Variants in UTY observed in about 807,000 individuals in gnomAD.
The protein encoded by UTY is histone demethylase UTY.
Under a neutral mutation model 32.5 loss-of-function variants are expected in UTY, and 12 were observed. The observed-to-expected ratio is 0.37, with a 90% confidence interval of 0.24 to 0.60. The LOEUF (loss-of-function observed/expected upper bound fraction) is 0.60, where lower values mean the gene tolerates loss of function less well. Ranked by LOEUF, UTY falls within the 20% of genes least tolerant of loss-of-function variation. UTY has a pLI of 0.69. For missense variants in UTY, 303 were observed against 299.2 expected (o/e 1.01, Z -0.09); for synonymous variants, 131 against 103.4 (o/e 1.27, Z -1.62).
intron 28 of UTY, among the ~76,000 whole-genome samples, chrY:13,258,844 G>T (rs2055021115): frequency 2.9e-5 from 1 of 34,069 alleles, no homozygotes; most frequent in Admixed American, 2.6e-4. Context: ...CAAATCAAAG[G>T]AGGGGGACAT....
chrY:13,473,263 C>A, intron 2 of UTY, among the ~76,000 whole-genome samples: 1 of 30,785 alleles, frequency 3.2e-5, no homozygotes, highest in Admixed American at 3.0e-4. Context: ...AATATCACGC[C>A]ACTGCACTCC....
intron 8 of UTY, among the ~76,000 whole-genome samples, chrY:13,390,156 GT>G (rs781298772): frequency 0.11 from 3,369 of 30,776 alleles, no homozygotes; most frequent in Non-Finnish European, 0.18. Context: ...TGTTAATTAG[GT>G]TTTTTTTTCA....
chrY:13,241,851 C>A (rs2053906584), intron 28 of UTY, among the ~76,000 whole-genome samples: 1 of 32,723 alleles, frequency 3.1e-5, no homozygotes, highest in Non-Finnish European at 7.5e-5. Context: ...GAGGCTGAGG[C>A]AGGTGGATCA....
At chrY:13,419,194 A>G (rs2072193156) in intron 4 of UTY, among the ~76,000 whole-genome samples, 1 of 33,562 alleles carries the variant, frequency 3.0e-5, no homozygotes, top group Admixed American at 2.7e-4. Flanking sequence ...TTTGGCCCAT[A>G]GTTCCCTCAC....
intron 25 of UTY, among the ~76,000 whole-genome samples, chrY:13,302,412 G>A: frequency 3.0e-5 from 1 of 33,613 alleles, no homozygotes; most frequent in East Asian, 7.7e-4. Context: ...TATTACCACG[G>A]CAGAGACTAG....
At chrY:13,406,662 C>A in intron 6 of UTY, among the ~76,000 whole-genome samples, 2 of 30,207 alleles carry the variant, frequency 6.6e-5, no homozygotes, top group African/African-American at 1.3e-4. Flanking sequence ...AATTTCTATA[C>A]AATCTTTTTT....
chrY:13,381,262 C>T (rs2066110128), intron 8 of UTY, among the ~76,000 whole-genome samples: 1 of 34,306 alleles, frequency 2.9e-5, no homozygotes, highest in Non-Finnish European at 7.3e-5. Context: ...ACAGCCTGGG[C>T]GTGGTGGCTT....
intron 4 of UTY, among the ~76,000 whole-genome samples, chrY:13,422,165 A>G: frequency 3.0e-5 from 1 of 33,640 alleles, no homozygotes; most frequent in Non-Finnish European, 7.4e-5. Flanking sequence ...CAAAATGTCA[A>G]CCATTTAAAT....
chrY:13,353,975 G>A, intron 17 of UTY, among the ~76,000 whole-genome samples: 1 of 34,261 alleles, frequency 2.9e-5, no homozygotes, highest in Non-Finnish European at 7.3e-5. Context: ...ACAAACAAAC[G>A]ATTTGGAATA....
At chrY:13,264,785 T>C (rs2055615120) in intron 27 of UTY, among the ~76,000 whole-genome samples, 2 of 33,741 alleles carry the variant, frequency 5.9e-5, no homozygotes, top group Non-Finnish European at 1.5e-4. Flanking sequence ...TTGTTGACAT[T>C]GCTTTTGGTG....
chrY:13,263,013 C>T, intron 27 of UTY, among the ~76,000 whole-genome samples: 1 of 32,840 alleles, frequency 3.0e-5, no homozygotes, highest in Non-Finnish European at 7.4e-5. Flanking sequence ...CATATAAAAA[C>T]GAGGCAAAAC....
At chrY:13,425,147 G>C in intron 4 of UTY, among the ~76,000 whole-genome samples, 1 of 33,909 alleles carries the variant, frequency 2.9e-5, no homozygotes, top group African/African-American at 1.2e-4. Flanking sequence ...AATATCATTA[G>C]TCACAAATAA....
intron 20 of UTY, 113 bp downstream of exon 20, chrY:13,324,488 A>G: frequency 5.0e-6 from 1 of 198,440 alleles, no homozygotes; most frequent in Non-Finnish European, 8.4e-6. Context: ...GAAAGATAAC[A>G]CACATTAAAA....
intron 4 of UTY, among the ~76,000 whole-genome samples, chrY:13,422,137 A>G (rs751787721): frequency 3.0e-5 from 1 of 33,776 alleles, no homozygotes; most frequent in East Asian, 7.6e-4. Flanking sequence ...GAAAATTATT[A>G]TAACAACATA....
chrY:13,360,134 C>G, intron 11 of UTY, 148 bp from the exon 12 acceptor site: 2 of 171,695 alleles, frequency 1.2e-5, no homozygotes, highest in Admixed American at 1.1e-4. Flanking sequence ...CTCCCCAGCT[C>G]AAGCAACCCT....
At chrY:13,375,675 C>A in intron 8 of UTY, among the ~76,000 whole-genome samples, 1 of 33,693 alleles carries the variant, frequency 3.0e-5, no homozygotes, top group African/African-American at 1.1e-4. Flanking sequence ...CATTCCTTTG[C>A]AATATTTAGT....
intron 8 of UTY, among the ~76,000 whole-genome samples, chrY:13,383,117 G>C (rs2066314642): frequency 3.2e-5 from 1 of 31,270 alleles, no homozygotes; most frequent in Non-Finnish European, 7.7e-5. Context: ...CCTGGAAACT[G>C]TGTCTCTACT....
intron 21 of UTY, among the ~76,000 whole-genome samples, chrY:13,316,224 C>T (rs2059475068): frequency 3.0e-5 from 1 of 33,288 alleles, no homozygotes. Context: ...CACGACAATT[C>T]GCTGAGGCAT....
At chrY:13,367,029 C>T (rs1037904517) in intron 9 of UTY, among the ~76,000 whole-genome samples, 4 of 33,066 alleles carry the variant, frequency 1.2e-4, no homozygotes, top group Admixed American at 1.1e-3. Flanking sequence ...TTATTAGTGA[C>T]GGCATTTCAC....
Sources: allele counts gnomAD v4.1 joint callset (sites outside exome capture counted in the v4.1 genomes callset), GRCh38; gene constraint gnomAD v4.1.1; transcripts MANE v1.5; gene names NCBI Gene and HGNC (gene_info 2026-07-23, HGNC 2026-07-21).